PPP1R37: variants seen among roughly 807,000 people sequenced by gnomAD.
The protein encoded by PPP1R37 is protein phosphatase 1 regulatory subunit 37.
Under a neutral mutation model 61.0 loss-of-function variants are expected in PPP1R37, and 21 were observed. The observed-to-expected ratio is 0.34, with a 90% CI of 0.24 to 0.50. The LOEUF (loss-of-function observed/expected upper bound fraction) is 0.50. Among genes scored for constraint, PPP1R37 ranks in the 20% least tolerant of loss-of-function variants. The pLI is 0.98. For missense variants in PPP1R37, 910 were observed against 952.7 expected (o/e 0.96, Z 0.59); for synonymous variants, 443 against 433.5 (o/e 1.02, Z -0.27).
Position 45,130,497 on chromosome 19 carries a change from C to T in PPP1R37, c.203-8017C>T, listed in dbSNP as rs1339362089. Among the ~76,000 whole-genome samples, 4 of 152,130 alleles carry T rather than the reference C, an allele frequency of 2.6e-5. No homozygotes were observed. Among genetic ancestry groups the T allele is most frequent in the East Asian group, 1.9e-4 (1 of 5,192 alleles). Reference sequence around the variant, plus strand: ...CTGCCCCAGTGGTTGCTGCCTGCCACGGGGTTTGCACAGGGACTGCGCAGT... The same window carrying T: ...CTGCCCCAGTGGTTGCTGCCTGCCATGGGGTTTGCACAGGGACTGCGCAGT... On this transcript the variant is annotated intron_variant, in intron 1 of 12. Coordinates refer to ENST00000221462, the MANE Select transcript of PPP1R37 (RefSeq NM_019121.2). The surrounding 1 kb of genome is among the most constrained non-coding windows in gnomAD (Gnocchi z 4.4).
intron 8 of PPP1R37, 93 bp from the exon 9 acceptor site, chr19:45,144,761 C>T (rs1415110246): frequency 1.9e-5 from 21 of 1,129,014 alleles, no homozygotes; most frequent in Non-Finnish European, 2.5e-5. Flanking sequence ...GCGCCCGGGC[C>T]TGGCTCTCTT....
At chr19:45,115,589 GATA>G (rs898065199) in intron 1 of PPP1R37, among the ~76,000 whole-genome samples, 4 of 151,548 alleles carry the variant, frequency 2.6e-5, no homozygotes, top group African/African-American at 9.8e-5. Flanking sequence ...TTGAAATGGG[GATA>G]ATAAACCCTA....
intron 1 of PPP1R37, among the ~76,000 whole-genome samples, chr19:45,111,730 T>C (rs181914838): frequency 1.2e-4 from 18 of 151,958 alleles, no homozygotes; most frequent in Admixed American, 9.2e-4. Flanking sequence ...GGGAGCCCAC[T>C]GTCCTGACTG....
intron 1 of PPP1R37, among the ~76,000 whole-genome samples, chr19:45,118,947 G>T (rs1968304422): frequency 6.6e-6 from 1 of 151,812 alleles, no homozygotes; most frequent in African/African-American, 2.4e-5. Context: ...CACCGCCTCT[G>T]AGCAGCTGCT....
Position 45,146,650 on chromosome 19 carries a change from G to A in PPP1R37, c.*88G>A. 1.7e-6 allele frequency: 1 copy of A among 579,598 alleles called. No homozygotes were observed. The highest frequency in any genetic ancestry group is 2.0e-5 in the South Asian group (1 of 50,092). The allele number at this position is 579,598 out of a possible 1,614,324, so 35.9% of individuals were successfully genotyped here. ...CTCACCTTCCCCCCAGCCTTCCTGA[G>A]GCCCAGGATGCCAGGGGTGGGGGCC... is the stretch of plus-strand genomic sequence containing the variant. On this transcript the variant is annotated 3_prime_UTR_variant, in exon 13 of 13. Transcript: ENST00000221462.
chr19:45,094,764 A>G (rs989201338), intron 1 of PPP1R37, among the ~76,000 whole-genome samples: 6 of 151,972 alleles, frequency 3.9e-5, no homozygotes, highest in Admixed American at 1.3e-4. Flanking sequence ...GGATGTTATC[A>G]AGTCAGAAAT....
Position 45,143,504 on chromosome 19 carries a change from C to G in PPP1R37, c.875-17C>G. On this transcript the variant is annotated splice_polypyrimidine_tract_variant and intron_variant, in intron 7 of 12. Transcript: ENST00000221462. ...ACCCGGACCCCAGACAGGGCTCTGA[C>G]TGCCGGCCTCCTCCAGGTCTGGCCT... 6.7e-7 allele frequency: 1 copy of G among 1,486,208 alleles called. No individual in the cohort carries two copies. The highest frequency in any genetic ancestry group is 9.1e-7 in the Non-Finnish European group (1 of 1,101,976). The allele number at this position is 1,486,208 out of a possible 1,614,324, so 92.1% of individuals were successfully genotyped here.
intron 3 of PPP1R37, 26 bp from the exon 4 acceptor site, chr19:45,140,480 T>C (rs1361555077): frequency 4.0e-6 from 6 of 1,502,604 alleles, no homozygotes; most frequent in Non-Finnish European, 4.5e-6. Context: ...GTCTTAGACA[T>C]GCGCACGGCT....
At chr19:45,111,602 T>A (rs1489666453) in intron 1 of PPP1R37, among the ~76,000 whole-genome samples, 3 of 152,174 alleles carry the variant, frequency 2.0e-5, no homozygotes, top group South Asian at 4.1e-4. Context: ...ATATGGAATA[T>A]GTATGTAATG....
chr19:45,094,495 G>C (rs1169363649), intron 1 of PPP1R37, among the ~76,000 whole-genome samples: 2 of 152,082 alleles, frequency 1.3e-5, no homozygotes, highest in Non-Finnish European at 2.9e-5. Flanking sequence ...GGGAGGCCAA[G>C]GTGGGTGGAT....
intron 2 of PPP1R37, among the ~76,000 whole-genome samples, chr19:45,139,328 CCCT>C (rs1341979650): frequency 3.3e-5 from 5 of 152,274 alleles, no homozygotes; most frequent in Non-Finnish European, 7.3e-5. Context: ...CCCCAAGGCC[CCCT>C]CCTCGGGAAC....
At position 45,128,988 on chromosome 19, in the gene PPP1R37, A is replaced by G. The variant is rs1449895951; in HGVS notation, c.203-9526A>G. 3 of 826,736 alleles carry G rather than the reference A, an allele frequency of 3.6e-6. No homozygotes were observed. In the East Asian group the frequency reaches 1.1e-4, roughly 30 times the overall value. The allele number at this position is 826,736 out of a possible 1,614,324, so 51.2% of individuals were successfully genotyped here. A position where few individuals can be genotyped will look rare whatever the true frequency, so the allele number is the denominator to read the frequency against. ...GACCCTGATCACCGTGCTGTCTGCC[A>G]TGACAGAGGAGGCAGCTGTTGCAGT... On this transcript the variant is annotated intron_variant, in intron 1 of 12. Coordinates refer to ENST00000221462, the MANE Select transcript of PPP1R37 (RefSeq NM_019121.2).
Position 45,145,782 on chromosome 19 carries a change from A to G in PPP1R37, c.1726A>G (p.Ser576Gly). Reference protein sequence around the residue: ...HKVFVVTRVESPPERAEPPAS... With the variant: ...HKVFVVTRVEGPPERAEPPAS... ...GGTGTTTGTGGTGACCCGGGTGGAG[A>G]GCCCGCCCGAGAGGGCAGAGCCCCC... The change falls in exon 11 of 13, where the codon AGC (serine) becomes GGC (glycine). Residue 576 changes from serine to glycine, a missense_variant. Ser to Gly is a moderately conservative substitution (Grantham distance 56). Around this residue, in one of 3 missense-constraint regions of PPP1R37, gnomAD observed 549 missense variants for 505.1 expected, o/e 1.09. Coordinates refer to ENST00000221462, the MANE Select transcript of PPP1R37 (RefSeq NM_019121.2). 1.3e-6 allele frequency: 2 copies of G among 1,507,908 alleles called. No individual in the cohort carries two copies. Among genetic ancestry groups the G allele is most frequent in the Non-Finnish European group, 1.8e-6 (2 of 1,132,228 alleles). The allele number at this position is 1,507,908 out of a possible 1,614,324, so 93.4% of individuals were successfully genotyped here. A position where few individuals can be genotyped will look rare whatever the true frequency, so the allele number is the denominator to read the frequency against.
At chr19:45,127,456 T>C (rs1173872106) in intron 1 of PPP1R37, among the ~76,000 whole-genome samples, 1 of 151,242 alleles carries the variant, frequency 6.6e-6, no homozygotes, top group Non-Finnish European at 1.5e-5. Context: ...GCACAGCATG[T>C]GGCTGTGCTG....
At chr19:45,118,374 T>C (rs1968297238) in intron 1 of PPP1R37, among the ~76,000 whole-genome samples, 2 of 152,200 alleles carry the variant, frequency 1.3e-5, no homozygotes, top group African/African-American at 4.8e-5. Context: ...TGGGCTCTCA[T>C]TTAGGAGGCT....
Position 45,145,938 on chromosome 19 carries a change from C to T in PPP1R37, c.1882C>T (p.Arg628Trp), listed in dbSNP as rs540524168. 3.4e-4 allele frequency: 528 copies of T among 1,534,824 alleles called. 4 individuals carry two copies. Among genetic ancestry groups the T allele is most frequent in the South Asian group, 7.1e-5 (6 of 84,004 alleles). ...GCCTCAGCCACCACCGGAGCCGCCT[C>T]GGTCAGGGCCACCACTGCCCAACGG... ...SEPQPPPEPP[R>W]SGPPLPNGLK... is the part of the protein sequence containing the mutation. The change falls in exon 11 of 13, where the codon CGG (arginine) becomes TGG (tryptophan). Residue 628 changes from arginine to tryptophan, a missense_variant. By Grantham distance (101) the Arg-to-Trp change is moderately radical (BLOSUM62 -3). Transcript: ENST00000221462.
At chr19:45,125,155 A>G (rs1209384552) in intron 1 of PPP1R37, among the ~76,000 whole-genome samples, 1 of 152,100 alleles carries the variant, frequency 6.6e-6, no homozygotes, top group Non-Finnish European at 1.5e-5. Context: ...TCTCTTTATC[A>G]AACAATATCT....
At chr19:45,129,033 C>T (rs1310528492) in intron 1 of PPP1R37, 11 of 824,158 alleles carry the variant, frequency 1.3e-5, no homozygotes, top group Non-Finnish European at 2.0e-5. Context: ...GGCAAAAGAA[C>T]TGGCTCCCAG....
intron 1 of PPP1R37, among the ~76,000 whole-genome samples, chr19:45,095,327 G>A (rs1453991970): frequency 1.3e-5 from 2 of 149,272 alleles, no homozygotes; most frequent in Admixed American, 1.3e-4. Context: ...GTAGAGTTGG[G>A]GGTTTCACCA....
Sources: allele counts gnomAD v4.1 joint callset (sites outside exome capture counted in the v4.1 genomes callset), GRCh38; gene constraint gnomAD v4.1.1; regional missense constraint gnomAD v4.1.1; non-coding constraint Gnocchi (gnomAD v3.1); transcripts MANE v1.5; gene names NCBI Gene and HGNC (gene_info 2026-07-23, HGNC 2026-07-21).